The following MB21D2 variants were observed in gnomAD, a reference collection of about 807,000 sequenced individuals.
MB21D2 encodes Mab-21 domain containing 2.
A neutral mutation model predicts 33.3 loss-of-function variants in MB21D2; 9 were observed. The observed-to-expected ratio is 0.27, with a 90% confidence interval of 0.16 to 0.47. The LOEUF (loss-of-function observed/expected upper bound fraction) is 0.47. Among genes scored for constraint, MB21D2 ranks in the 20% least tolerant of loss-of-function variants. The probability of loss-of-function intolerance (pLI) is 0.99; values close to 1 mark genes in which losing one functional copy is unlikely to be tolerated. For synonymous variants in MB21D2, 241 were observed against 236.3 expected (o/e 1.02, Z -0.18); for missense variants, 540 against 624.6 (o/e 0.86, Z 1.44).
chr3:192,802,782 C>A (rs992042476), intron 1 of MB21D2, among the ~76,000 whole-genome samples: 1 of 152,188 alleles, frequency 6.6e-6, no homozygotes, highest in Non-Finnish European at 1.5e-5. Context: ...AAATCGTTTA[C>A]TCTTCATTAT....
intron 1 of MB21D2, among the ~76,000 whole-genome samples, chr3:192,875,273 T>C (rs1231252951): frequency 2.0e-5 from 3 of 152,224 alleles, no homozygotes; most frequent in Non-Finnish European, 4.4e-5. Flanking sequence ...CTGACACTGC[T>C]GTAAACCCTA....
chr3:192,823,636 C>T (rs1342586362), intron 1 of MB21D2, among the ~76,000 whole-genome samples: 1 of 152,024 alleles, frequency 6.6e-6, no homozygotes, highest in African/African-American at 2.4e-5. Flanking sequence ...GTCTGGGAAA[C>T]AAGAGTGGAA....
At chr3:192,804,576 C>T (rs1476719963) in intron 1 of MB21D2, among the ~76,000 whole-genome samples, 2 of 151,948 alleles carry the variant, frequency 1.3e-5, no homozygotes, top group East Asian at 1.9e-4. Flanking sequence ...GACTATATGC[C>T]TGAATATCTC....
intron 1 of MB21D2, among the ~76,000 whole-genome samples, chr3:192,867,212 G>A (rs761947235): frequency 2.0e-5 from 3 of 151,966 alleles, no homozygotes; most frequent in Non-Finnish European, 4.4e-5. Flanking sequence ...CTTGTACCCC[G>A]ACCTCCACAC....
chr3:192,870,558 C>T (rs952753795), intron 1 of MB21D2, among the ~76,000 whole-genome samples: 2 of 151,660 alleles, frequency 1.3e-5, no homozygotes, highest in Non-Finnish European at 2.9e-5. Flanking sequence ...GGCATGGTGG[C>T]GCACGCCTGT....
In MB21D2 at chr3:192,890,997, G is replaced by T. The variant is rs377453010; in HGVS notation, c.211+26633C>A. 3.9e-4 allele frequency among the ~76,000 whole-genome samples: 59 copies of T among 152,104 alleles called. 1 individual carries two copies. The highest frequency in any genetic ancestry group is 1.4e-3 in the African/African-American group (57 of 41,378). On this transcript the variant is annotated intron_variant, in intron 1 of 1. Coordinates refer to ENST00000392452, the MANE Select transcript of MB21D2 (RefSeq NM_178496.4). ...CTAGAGTTGTATTTTTAGAGGTCATGTTCACTATTTCTTAGCGGCTTATCT... is the reference window on the plus strand; with the variant it reads ...CTAGAGTTGTATTTTTAGAGGTCATTTTCACTATTTCTTAGCGGCTTATCT...
intron 1 of MB21D2, among the ~76,000 whole-genome samples, chr3:192,866,760 G>C (rs1295701253): frequency 2.6e-5 from 4 of 152,120 alleles, no homozygotes; most frequent in Non-Finnish European, 4.4e-5. Context: ...CCTCACACCA[G>C]GTAAAAGATA....
intron 1 of MB21D2, among the ~76,000 whole-genome samples, chr3:192,826,209 T>A (rs575731143): frequency 2.0e-5 from 3 of 152,238 alleles, no homozygotes; most frequent in Non-Finnish European, 2.9e-5. Flanking sequence ...ATTCTCCATA[T>A]ACTAGAACCT....
At chr3:192,900,284 C>CAAAAAAA (rs66984849) in intron 1 of MB21D2, among the ~76,000 whole-genome samples, 1 of 91,196 alleles carries the variant, frequency 1.1e-5, no homozygotes, top group Non-Finnish European at 2.1e-5. Flanking sequence ...GACTCTGTCT[C>CAAAAAAA]AAAAAAAAAA....
At chr3:192,814,338 A>G (rs1269744830) in intron 1 of MB21D2, among the ~76,000 whole-genome samples, 1 of 152,202 alleles carries the variant, frequency 6.6e-6, no homozygotes, top group African/African-American at 2.4e-5. Context: ...ACAGACTAAT[A>G]AAGAGCTGAA....
At chr3:192,842,079 C>CGAGTT (rs1560236800) in intron 1 of MB21D2, among the ~76,000 whole-genome samples, 2 of 132,474 alleles carry the variant, frequency 1.5e-5, no homozygotes, top group African/African-American at 8.7e-5. Flanking sequence ...GCTAGGAGGG[C>CGAGTT]GCCACTCGGG....
intron 1 of MB21D2, among the ~76,000 whole-genome samples, chr3:192,913,222 C>T (rs1052405263): frequency 4.8e-5 from 7 of 144,450 alleles, no homozygotes; most frequent in Middle Eastern, 3.8e-3. Context: ...ATGGCGAAAC[C>T]CTGTCTCTAC....
chr3:192,828,938 C>A (rs759455307), intron 1 of MB21D2, among the ~76,000 whole-genome samples: 1 of 151,466 alleles, frequency 6.6e-6, no homozygotes, highest in Non-Finnish European at 1.5e-5. Context: ...CATAAGCCAA[C>A]GTGCCCGGCC....
intron 1 of MB21D2, among the ~76,000 whole-genome samples, chr3:192,829,169 C>A (rs1215650507): frequency 2.6e-5 from 4 of 152,154 alleles, no homozygotes; most frequent in African/African-American, 9.7e-5. Flanking sequence ...AGTACGTAGC[C>A]TTTTATAACT....
At chr3:192,809,555 T>C (rs1339683199) in intron 1 of MB21D2, among the ~76,000 whole-genome samples, 1 of 152,172 alleles carries the variant, frequency 6.6e-6, no homozygotes, top group Admixed American at 6.5e-5. Flanking sequence ...ATGTAATACC[T>C]TGGGCCTTTG....
intron 1 of MB21D2, among the ~76,000 whole-genome samples, chr3:192,889,537 C>G (rs1489755493): frequency 6.6e-6 from 1 of 152,062 alleles, no homozygotes; most frequent in Non-Finnish European, 1.5e-5. Flanking sequence ...TTCCCTGAGG[C>G]TGCAGCCTCT....
Position 192,799,129 on chromosome 3 carries a change from G to A in MB21D2, c.733C>T (p.Pro245Ser). Residue 245 changes from proline to serine, a missense_variant, in exon 2 of 2, where the codon CCT (proline) becomes TCT (serine). Pro to Ser is a moderately conservative substitution (Grantham distance 74). Coordinates refer to ENST00000392452, the MANE Select transcript of MB21D2 (RefSeq NM_178496.4). The surrounding 1 kb of genome is among the most constrained non-coding windows in gnomAD (Gnocchi z 4.1). ...ATGAGCCAGCTCTGGGCCACTGCAG[G>A]CCAACCTTTGAAAGATACCACAGGG... ...IVPVVSFKGWPAVAQSWLMEN... is the reference protein window; with the variant it reads ...IVPVVSFKGWSAVAQSWLMEN... 1 of 1,614,082 alleles carries A rather than the reference G, an allele frequency of 6.2e-7. No individual in the cohort carries two copies. The highest frequency in any genetic ancestry group is 2.2e-5 in the East Asian group (1 of 44,876).
At chr3:192,858,577 C>T (rs533520430) in intron 1 of MB21D2, among the ~76,000 whole-genome samples, 1 of 152,270 alleles carries the variant, frequency 6.6e-6, no homozygotes, top group South Asian at 2.1e-4. Flanking sequence ...TCACATTTCC[C>T]CCTCAGCATT....
At chr3:192,902,811 C>A (rs1415233062) in intron 1 of MB21D2, among the ~76,000 whole-genome samples, 1 of 152,212 alleles carries the variant, frequency 6.6e-6, no homozygotes, top group African/African-American at 2.4e-5. Context: ...CTCCTCCCAG[C>A]CACAGGCCGG....
Sources: gnomAD v4.1 joint callset for allele counts (sites outside exome capture counted in the v4.1 genomes callset) on GRCh38, gnomAD v4.1.1 for gene constraint, Gnocchi (gnomAD v3.1) non-coding constraint, MANE v1.5 for transcripts, NCBI Gene and HGNC (gene_info 2026-07-23, HGNC 2026-07-21) for gene names.